RBMS3: variants seen among roughly 807,000 people sequenced by gnomAD.
RBMS3 encodes RNA binding motif single stranded interacting protein 3.
In RBMS3, 27 loss-of-function variants were observed where a neutral mutation model predicts 66.8. The observed-to-expected ratio is 0.40, with a 90% CI of 0.30 to 0.56. The LOEUF is 0.56. RBMS3 is among the 20% of genes least tolerant of loss of function. RBMS3 has a pLI of 0.40. For synonymous variants in RBMS3, 188 were observed against 183.0 expected (o/e 1.03, Z -0.22); for missense variants, 513 against 549.5 (o/e 0.93, Z 0.66).
chr3:29,683,067 C>T (rs892184419), intron 4 of RBMS3, among the ~76,000 whole-genome samples: 4 of 152,038 alleles, frequency 2.6e-5, no homozygotes, highest in African/African-American at 9.7e-5. Flanking sequence ...CTTAGTGTGT[C>T]GGGGGCAGAA....
chr3:29,870,158 G>T (rs961581481), intron 7 of RBMS3, among the ~76,000 whole-genome samples: 1 of 152,106 alleles, frequency 6.6e-6, no homozygotes, highest in African/African-American at 2.4e-5. Flanking sequence ...CTCAACTTTA[G>T]AAAGGCAGTG....
chr3:29,297,673 A>G (rs781701792), intron 1 of RBMS3, among the ~76,000 whole-genome samples: 10 of 151,834 alleles, frequency 6.6e-5, no homozygotes, highest in Non-Finnish European at 1.2e-4. Flanking sequence ...AATATATTGG[A>G]AAGTTGTCTG....
chr3:29,554,675 G>A (rs1269333439), intron 3 of RBMS3, among the ~76,000 whole-genome samples: 2 of 152,124 alleles, frequency 1.3e-5, no homozygotes, highest in Non-Finnish European at 2.9e-5. Flanking sequence ...AAGGAAAAAG[G>A]ATGATCAGGG....
intron 4 of RBMS3, among the ~76,000 whole-genome samples, chr3:29,632,980 G>C (rs575617674): frequency 4.6e-5 from 7 of 151,908 alleles, no homozygotes; most frequent in African/African-American, 1.7e-4. Context: ...ATTTTATAAA[G>C]ATCTCTAAGC....
At chr3:29,403,763 A>G (rs6779109) in intron 1 of RBMS3, among the ~76,000 whole-genome samples, 54,163 of 151,942 alleles carry the variant, frequency 0.36, 11,840 homozygotes, top group African/African-American at 0.62. Context: ...AAAGATTTCT[A>G]TTAATAAAAA....
intron 6 of RBMS3, among the ~76,000 whole-genome samples, chr3:29,837,588 A>G (rs1233507912): frequency 6.8e-6 from 1 of 147,576 alleles, no homozygotes; most frequent in Non-Finnish European, 1.5e-5. Flanking sequence ...AATTCCATTA[A>G]TTAATGGTAA....
At chr3:29,884,637 G>T (rs1332455274) in intron 8 of RBMS3, among the ~76,000 whole-genome samples, 1 of 151,734 alleles carries the variant, frequency 6.6e-6, no homozygotes, top group African/African-American at 2.4e-5. Flanking sequence ...ATGGAGGAAA[G>T]TCAAGTTGGT....
intron 2 of RBMS3, among the ~76,000 whole-genome samples, chr3:29,452,687 G>C (rs1325445741): frequency 6.6e-6 from 1 of 152,108 alleles, no homozygotes; most frequent in East Asian, 1.9e-4. Context: ...CAAATTATTT[G>C]ACATTTATTT....
At chr3:29,591,647 A>G (rs1044314633) in intron 4 of RBMS3, among the ~76,000 whole-genome samples, 1 of 152,208 alleles carries the variant, frequency 6.6e-6, no homozygotes, top group Non-Finnish European at 1.5e-5. Flanking sequence ...TTTCCTGGAT[A>G]TATTTAGAAA....
chr3:29,534,369 TC>T (rs2045474226), intron 3 of RBMS3, among the ~76,000 whole-genome samples: 1 of 152,220 alleles, frequency 6.6e-6, no homozygotes, highest in Admixed American at 6.5e-5. Flanking sequence ...GAAGTGGCTT[TC>T]CCTCACATTT....
chr3:29,574,361 TTA>T (rs1038027072), intron 3 of RBMS3, among the ~76,000 whole-genome samples: 2 of 152,148 alleles, frequency 1.3e-5, no homozygotes, highest in African/African-American at 4.8e-5. Flanking sequence ...CCATTTTTTC[TTA>T]TATAAGTGTA....
chr3:29,766,548 G>T (rs2055936564), intron 6 of RBMS3: 1 of 152,000 alleles, frequency 6.6e-6, no homozygotes, highest in East Asian at 1.9e-4. Flanking sequence ...AGTTGGAAGA[G>T]AACTTTACAG....
At chr3:29,350,718 G>A (rs1559508193) in intron 1 of RBMS3, among the ~76,000 whole-genome samples, 1 of 152,052 alleles carries the variant, frequency 6.6e-6, no homozygotes, top group Non-Finnish European at 1.5e-5. Flanking sequence ...CGATTGTTTA[G>A]GGGAATAGTT....
At chr3:29,460,044 A>T (rs2042322068) in intron 2 of RBMS3, among the ~76,000 whole-genome samples, 1 of 152,216 alleles carries the variant, frequency 6.6e-6, no homozygotes, top group South Asian at 2.1e-4. Context: ...ATTTTCTTGT[A>T]ATGAATCAAA....
At chr3:29,496,883 T>A (rs2043772909) in intron 3 of RBMS3, among the ~76,000 whole-genome samples, 1 of 152,210 alleles carries the variant, frequency 6.6e-6, no homozygotes, top group South Asian at 2.1e-4. Flanking sequence ...AGTAAAATTA[T>A]CCACTAACAT....
intron 1 of RBMS3, chr3:29,390,933 A>G (rs1575688876): frequency 5.0e-6 from 1 of 201,404 alleles, no homozygotes; most frequent in East Asian, 8.6e-5. Context: ...CTCATCCATG[A>G]CGGCTACCAT....
At chr3:29,382,413 C>G (rs1407800264) in intron 1 of RBMS3, among the ~76,000 whole-genome samples, 1 of 152,192 alleles carries the variant, frequency 6.6e-6, no homozygotes, top group Non-Finnish European at 1.5e-5. Flanking sequence ...GTATTGATTT[C>G]TTCCTCAACG....
At chr3:29,690,175 C>T (rs910214874) in intron 4 of RBMS3, among the ~76,000 whole-genome samples, 1 of 151,832 alleles carries the variant, frequency 6.6e-6, no homozygotes, top group Non-Finnish European at 1.5e-5. Flanking sequence ...TCTGGCCAGG[C>T]GTGGTGGCTC....
At chr3:29,753,196 C>A (rs1290631859) in intron 5 of RBMS3, among the ~76,000 whole-genome samples, 1 of 152,152 alleles carries the variant, frequency 6.6e-6, no homozygotes, top group Non-Finnish European at 1.5e-5. Flanking sequence ...AAAGCATTTG[C>A]AGTTTTTGGG....
Sources: gnomAD v4.1 joint callset for allele counts (sites outside exome capture counted in the v4.1 genomes callset) on GRCh38, gnomAD v4.1.1 for gene constraint, MANE v1.5 for transcripts, NCBI Gene and HGNC (gene_info 2026-07-23, HGNC 2026-07-21) for gene names.